SYNPO: variants seen among roughly 807,000 people sequenced by gnomAD.
SYNPO encodes the protein synaptopodin.
A neutral mutation model predicts 49.5 loss-of-function variants in SYNPO; 19 were observed. That is an observed-to-expected ratio of 0.38 (90% confidence interval 0.27 to 0.56). SYNPO has a LOEUF of 0.56. Ranked by LOEUF, SYNPO falls within the 20% of genes least tolerant of loss-of-function variation. The pLI is 0.68. For synonymous variants in SYNPO, 536 were observed against 548.0 expected (o/e 0.98, Z 0.31); for missense variants, 1,131 against 1,248.3 (o/e 0.91, Z 1.42).
At chr5:150,588,978 T>G in the SYNPO span, among the ~76,000 whole-genome samples, 2 of 152,328 alleles carry the variant, frequency 1.3e-5, no homozygotes, top group Non-Finnish European at 1.5e-5. Context: ...CGAGGCTATA[T>G]TGATTCAATG....
At position 150,641,116 on chromosome 5, in the gene SYNPO, G is replaced by A. The variant is rs978342754; in HGVS notation, c.-333+262G>A. Among the ~76,000 whole-genome samples, 4 of 152,290 alleles carry A rather than the reference G, an allele frequency of 2.6e-5. No homozygotes were observed. The South Asian group carries it at 8.3e-4, about 32-fold the overall frequency. ...CCAAGAGGAGGTCTGGCAGTCTGCCGACCCCAGTCAGATTGCGCTCGCCAT... is the reference window on the plus strand; with the variant it reads ...CCAAGAGGAGGTCTGGCAGTCTGCCAACCCCAGTCAGATTGCGCTCGCCAT... On this transcript the variant is annotated intron_variant, in intron 1 of 2. Coordinates refer to ENST00000307662, the MANE Select transcript of SYNPO (RefSeq NM_007286.6).
exon 2 of SYNPO, chr5:150,618,364 C>T: frequency 6.5e-7 from 1 of 1,546,664 alleles, no homozygotes; most frequent in Non-Finnish European, 8.7e-7. Flanking sequence ...GGAAGAACAG[C>T]ACCATGCTGG....
upstream of SYNPO, among the ~76,000 whole-genome samples, chr5:150,637,865 C>T (rs956496676): frequency 2.0e-4 from 31 of 152,102 alleles, no homozygotes; most frequent in East Asian, 1.2e-3. Flanking sequence ...GAGGTGGAGG[C>T]GGAGGGTCCC....
upstream of SYNPO, among the ~76,000 whole-genome samples, chr5:150,596,495 A>C (rs1240123322): frequency 2.0e-5 from 3 of 151,914 alleles, no homozygotes; most frequent in Non-Finnish European, 4.4e-5. Context: ...GACGGCCCCC[A>C]TGTATCAGTG....
At chr5:150,641,736 T>C (rs1391497889) in intron 1 of SYNPO, among the ~76,000 whole-genome samples, 2 of 152,224 alleles carry the variant, frequency 1.3e-5, no homozygotes, top group African/African-American at 2.4e-5. Flanking sequence ...TTATCAGTCC[T>C]TTCTACCTTA....
intron 1 of SYNPO, among the ~76,000 whole-genome samples, chr5:150,611,510 C>T (rs1756845818): frequency 1.3e-5 from 2 of 152,236 alleles, no homozygotes; most frequent in Admixed American, 1.3e-4. Flanking sequence ...CTCACCACTA[C>T]CTCGTGCCAA....
At position 150,657,824 on chromosome 5, in the gene SYNPO, GCTA is replaced by G. The variant is rs1207687061; in HGVS notation, c.*740_*742del. The G allele has an allele frequency of 6.5e-6, 1 of 152,722 alleles. No individual in the cohort carries two copies. The highest frequency in any genetic ancestry group is 6.5e-5 in the Admixed American group (1 of 15,302). 9.5% of individuals were successfully genotyped at this position (152,722 alleles called of 1,614,324 possible). On this transcript the variant is annotated 3_prime_UTR_variant, in exon 3 of 3. Coordinates refer to ENST00000307662, the MANE Select transcript of SYNPO (RefSeq NM_007286.6). ...AAAATTCTCCCCGGGTCCCTGTCAT[GCTA>G]CTTTCTCCATCCCAGTTCAGACTGT...
At chr5:150,599,684 G>T (rs1756486966), upstream of SYNPO, among the ~76,000 whole-genome samples, 1 of 152,194 alleles carries the variant, frequency 6.6e-6, no homozygotes, top group South Asian at 2.1e-4. Flanking sequence ...GGCTCTTTCT[G>T]TACTGTGAGC....
At chr5:150,618,861 T>G (rs771657862) in intron 2 of SYNPO, 2 of 1,456,568 alleles carry the variant, frequency 1.4e-6, no homozygotes, top group Non-Finnish European at 1.9e-6. Flanking sequence ...TTTTCCATGA[T>G]CCACAGTAAT....
chr5:150,592,344 C>T, the SYNPO span, among the ~76,000 whole-genome samples: 1 of 152,046 alleles, frequency 6.6e-6, no homozygotes, highest in African/African-American at 2.4e-5. Flanking sequence ...ACTGGGTCTC[C>T]TGTATTTGTA....
chr5:150,605,551 T>C (rs919605063), intron 1 of SYNPO, among the ~76,000 whole-genome samples: 2 of 152,168 alleles, frequency 1.3e-5, no homozygotes, highest in South Asian at 2.1e-4. Context: ...CCTTGGTACT[T>C]ACCCGGACAG....
At chr5:150,610,385 A>G (rs1756814573) in intron 1 of SYNPO, among the ~76,000 whole-genome samples, 1 of 152,206 alleles carries the variant, frequency 6.6e-6, no homozygotes, top group Admixed American at 6.5e-5. Flanking sequence ...CAGGCCACAG[A>G]CACCGGTCAG....
chr5:150,652,417 G>A, intron 2 of SYNPO: 1 of 985,934 alleles, frequency 1.0e-6, no homozygotes, highest in Non-Finnish European at 1.2e-6. Context: ...CCTGGGAAGT[G>A]GAGTGGGCCT....
In SYNPO at chr5:150,656,813, C is replaced by A. The variant is rs1379763766; in HGVS notation, c.2438C>A (p.Ala813Asp). 1 of 1,467,318 alleles carries A rather than the reference C, an allele frequency of 6.8e-7. No individual in the cohort carries two copies. The highest frequency in any genetic ancestry group is 2.1e-5 in the Admixed American group (1 of 47,266). The allele number at this position is 1,467,318 out of a possible 1,614,324, so 90.9% of individuals were successfully genotyped here. A position where few individuals can be genotyped will look rare whatever the true frequency, so the allele number is the denominator to read the frequency against. The change falls in exon 3 of 3, where the codon GCT (alanine) becomes GAT (aspartate). Residue 813 changes from alanine to aspartate, a missense_variant. Transcript: ENST00000307662. ...CCACAGCCCGCCCGCCCCGGCTCGG[C>A]TGCTGTGCCGGGGGCAGCCTTCGCG... ...RSPQPARPGS[A>D]AVPGAAFAPI... is the part of the protein sequence containing the mutation.
intron 2 of SYNPO, among the ~76,000 whole-genome samples, chr5:150,625,105 G>C (rs183204354): frequency 5.3e-5 from 8 of 152,222 alleles, no homozygotes; most frequent in Non-Finnish European, 1.2e-4. Context: ...GGCTGGAGGG[G>C]TATCGAGGCT....
At chr5:150,650,343 C>T (rs551124312) in intron 2 of SYNPO, 40 bp downstream of exon 2, 39 of 1,612,978 alleles carry the variant, frequency 2.4e-5, no homozygotes, top group Admixed American at 2.0e-4. Context: ...ACGAACCCCA[C>T]GGGGGTCCCA....
At chr5:150,613,668 C>G (rs1227925184) in intron 1 of SYNPO, among the ~76,000 whole-genome samples, 1 of 152,172 alleles carries the variant, frequency 6.6e-6, no homozygotes, top group Non-Finnish European at 1.5e-5. Flanking sequence ...GTGGGGAGGT[C>G]AGGTAGAGAG....
At chr5:150,619,908 A>G (rs1031609549) in intron 2 of SYNPO, among the ~76,000 whole-genome samples, 1 of 152,014 alleles carries the variant, frequency 6.6e-6, no homozygotes, top group Non-Finnish European at 1.5e-5. Flanking sequence ...AGGACCTTTA[A>G]TCCCTCTAGG....
At chr5:150,619,671 G>A (rs1052948663) in intron 2 of SYNPO, among the ~76,000 whole-genome samples, 10 of 152,320 alleles carry the variant, frequency 6.6e-5, no homozygotes, top group South Asian at 2.1e-4. Flanking sequence ...AGTAGATCCC[G>A]GGGGTGCAGG....
Sources: gnomAD v4.1 joint callset for allele counts (sites outside exome capture counted in the v4.1 genomes callset) on GRCh38, gnomAD v4.1.1 for gene constraint, MANE v1.5 for transcripts, NCBI Gene and HGNC (gene_info 2026-07-23, HGNC 2026-07-21) for gene names.